The following LRRC56 variants were observed in gnomAD, a reference collection of about 807,000 sequenced individuals.
LRRC56 encodes leucine-rich repeat-containing protein 56.
In LRRC56, 41 loss-of-function variants were observed where a neutral mutation model predicts 47.8. The observed-to-expected ratio is 0.86, with a 90% CI of 0.67 to 1.11. The LOEUF is 1.11. LRRC56 is among the 50% of genes most tolerant of loss of function. The pLI is 0.00. For missense variants in LRRC56, 759 were observed against 704.2 expected (o/e 1.08, Z -0.88); for synonymous variants, 387 against 311.2 (o/e 1.24, Z -2.56).
the LRRC56 span, among the ~76,000 whole-genome samples, chr11:531,691 C>T: frequency 6.6e-6 from 1 of 152,218 alleles, no homozygotes; most frequent in African/African-American, 2.4e-5. Context: ...CTCCCACGCC[C>T]TACTGGCCGC....
chr11:531,201 G>C, the LRRC56 span, among the ~76,000 whole-genome samples: 1 of 151,944 alleles, frequency 6.6e-6, no homozygotes, highest in Admixed American at 6.6e-5. Context: ...GGAGAGAAGG[G>C]CGAGTGTGGT....
At chr11:530,118 G>C in the LRRC56 span, among the ~76,000 whole-genome samples, 8 of 152,292 alleles carry the variant, frequency 5.3e-5, no homozygotes, top group South Asian at 1.7e-3. Flanking sequence ...GCATGGAGCA[G>C]GGGTGCTGGG....
chr11:528,629 G>A, the LRRC56 span: 1 of 152,224 alleles, frequency 6.6e-6, no homozygotes, highest in African/African-American at 2.4e-5. Context: ...AGGGCCGAGT[G>A]TGGTGCCTCC....
upstream of LRRC56, chr11:534,027 C>T (rs1851294709): frequency 1.4e-6 from 2 of 1,407,324 alleles, no homozygotes; most frequent in Non-Finnish European, 2.0e-6. Context: ...TGGTACCTCT[C>T]ATGCCCCTCA....
chr11:548,994 G>A (rs371814543), intron 6 of LRRC56, among the ~76,000 whole-genome samples: 52 of 152,238 alleles, frequency 3.4e-4, no homozygotes, highest in Admixed American at 6.5e-4. Context: ...AATTCAGAGC[G>A]GAGTGGAAAA....
At chr11:538,205 G>A (rs1362138273) in intron 1 of LRRC56, among the ~76,000 whole-genome samples, 2 of 152,222 alleles carry the variant, frequency 1.3e-5, no homozygotes, top group South Asian at 4.1e-4. Flanking sequence ...TTGGGGCTCA[G>A]ACCAGTCTGA....
At chr11:540,454 G>T (rs1296545898) in intron 3 of LRRC56, among the ~76,000 whole-genome samples, 1 of 152,234 alleles carries the variant, frequency 6.6e-6, no homozygotes, top group Non-Finnish European at 1.5e-5. Flanking sequence ...AGCCAAGGCT[G>T]GGGGAGGGGA....
chr11:510,527 C>T, the LRRC56 span, among the ~76,000 whole-genome samples: 24 of 151,928 alleles, frequency 1.6e-4, no homozygotes, highest in African/African-American at 4.4e-4. Context: ...CATTTGCGGT[C>T]GGGAGTTCAA....
the LRRC56 span, among the ~76,000 whole-genome samples, chr11:519,146 A>G: frequency 6.6e-6 from 1 of 152,206 alleles, no homozygotes; most frequent in Non-Finnish European, 1.5e-5. Flanking sequence ...TTTTCAGAAC[A>G]TACAAGTACA....
chr11:532,879 C>G, upstream of LRRC56: 3 of 932,660 alleles, frequency 3.2e-6, no homozygotes, highest in Non-Finnish European at 3.4e-6. Context: ...GCCACTTCCC[C>G]AGGCCCACCA....
At chr11:525,275 C>G in the LRRC56 span, among the ~76,000 whole-genome samples, 6 of 151,632 alleles carry the variant, frequency 4.0e-5, no homozygotes, top group Non-Finnish European at 7.4e-5. Flanking sequence ...CACGGTGGCT[C>G]ACGCCTGTAA....
chr11:535,284 A>G (rs549849454), upstream of LRRC56: 1 of 67,706 alleles, frequency 1.5e-5, no homozygotes, highest in African/African-American at 6.2e-5. Context: ...GCCCGGCCCC[A>G]CCCACCCGCC....
At chr11:525,602 A>G in the LRRC56 span, among the ~76,000 whole-genome samples, 5 of 151,978 alleles carry the variant, frequency 3.3e-5, no homozygotes, top group African/African-American at 1.2e-4. Context: ...CCAGTTTCCA[A>G]AATGAACAAA....
At position 538,792 on chromosome 11, in the gene LRRC56, C is replaced by CGCAGGCCACGT. The variant is rs142954066; in HGVS notation, c.-211_-201dup. On this transcript the variant is annotated 5_prime_UTR_variant, in exon 2 of 14. It introduces an in-frame stop codon into an upstream open reading frame of the 5' UTR. Coordinates refer to ENST00000270115, the MANE Select transcript of LRRC56 (RefSeq NM_198075.4). ...TGCGACTGTGGACAGCAGAGGAGCA[C>CGCAGGCCACGT]GCAGGCCACGTGCAGGCCACGTGCA... The CGCAGGCCACGT allele has an allele frequency of 2.6e-5, 4 of 152,150 alleles. No homozygotes were observed. The highest frequency in any genetic ancestry group is 6.5e-5 in the Admixed American group (1 of 15,268). 9.4% of individuals were successfully genotyped at this position (152,150 alleles called of 1,614,324 possible).
At chr11:532,551 CCG>C (rs1851165104), upstream of LRRC56, 1 of 1,555,328 alleles carries the variant, frequency 6.4e-7, no homozygotes, top group East Asian at 2.4e-5. Flanking sequence ...AGGCTGCTGA[CCG>C]CAGGCCAGGA....
chr11:524,307 T>C, the LRRC56 span, among the ~76,000 whole-genome samples: 4 of 152,068 alleles, frequency 2.6e-5, no homozygotes, highest in Admixed American at 2.6e-4. Flanking sequence ...TCATGGATTA[T>C]TGACCAAGGT....
rs1012220281 is a variant in LRRC56 at position 548,493 on chromosome 11, T to C, written c.327-1409T>C. Among the ~76,000 whole-genome samples the C allele has an allele frequency of 2.0e-5, 3 of 151,444 alleles. No homozygotes were observed. In the East Asian group the frequency reaches 5.9e-4, roughly 30 times the overall value. ...TTTGTTTGGAGACGGAGGCTCGCTCTGTCGTCCAGGCTGGAGTGCAGTGGC... is the reference window on the plus strand; with the variant it reads ...TTTGTTTGGAGACGGAGGCTCGCTCCGTCGTCCAGGCTGGAGTGCAGTGGC... On this transcript the variant is annotated intron_variant, in intron 6 of 13. Coordinates refer to ENST00000270115, the MANE Select transcript of LRRC56 (RefSeq NM_198075.4).
the LRRC56 span, among the ~76,000 whole-genome samples, chr11:513,429 GATT>G: frequency 8.9e-3 from 1,358 of 152,274 alleles, 10 homozygotes; most frequent in Non-Finnish European, 0.015. Context: ...GAGGTGCTGG[GATT>G]ACAGGTGTGA....
upstream of LRRC56, chr11:533,438 G>A (rs1851235106): frequency 1.9e-6 from 3 of 1,612,312 alleles, no homozygotes; most frequent in African/African-American, 1.3e-5. Flanking sequence ...GCTGTGGGGT[G>A]GAGAGCTGCC....
Sources: allele counts gnomAD v4.1 joint callset (sites outside exome capture counted in the v4.1 genomes callset), GRCh38; gene constraint gnomAD v4.1.1; transcripts MANE v1.5; gene names NCBI Gene and HGNC (gene_info 2026-07-23, HGNC 2026-07-21).